Variants in PACSIN2 observed in about 807,000 individuals in gnomAD.
PACSIN2 encodes protein kinase C and casein kinase substrate in neurons 2, also known as protein kinase C and casein kinase substrate in neurons protein 2.
PACSIN2 carries 25 observed loss-of-function variants against 63.8 expected under a neutral mutation model. The ratio of observed to expected loss-of-function variants is 0.39; its 90% CI spans 0.29 to 0.55. The LOEUF (loss-of-function observed/expected upper bound fraction) is 0.55, where lower values mean the gene tolerates loss of function less well. Among genes scored for constraint, PACSIN2 ranks in the 20% least tolerant of loss-of-function variants. PACSIN2 has a pLI of 0.62. For missense variants in PACSIN2, 518 were observed against 646.9 expected, an observed-to-expected ratio of 0.80 and a Z score of 2.16; for synonymous variants, 255 against 256.2, an observed-to-expected ratio of 1.00 and a Z score of 0.05.
chr22:42,988,831 C>T (rs1922810163), intron 1 of PACSIN2, among the ~76,000 whole-genome samples: 1 of 152,078 alleles, frequency 6.6e-6, no homozygotes, highest in Admixed American at 6.6e-5. Context: ...ACATCACATG[C>T]ATTTGGGAAA....
intron 1 of PACSIN2, among the ~76,000 whole-genome samples, chr22:42,928,663 A>C (rs77521179): frequency 1.5e-3 from 221 of 152,356 alleles, no homozygotes; most frequent in African/African-American, 5.1e-3. Context: ...AGGCACTTGT[A>C]GGTAATCAGG....
At chr22:42,963,411 G>A (rs577418027) in intron 1 of PACSIN2, among the ~76,000 whole-genome samples, 38 of 152,268 alleles carry the variant, frequency 2.5e-4, no homozygotes, top group African/African-American at 6.0e-4. Flanking sequence ...CAAACAACAC[G>A]CAGGGCAGCA....
intron 2 of PACSIN2, among the ~76,000 whole-genome samples, chr22:42,906,320 T>G (rs1029586424): frequency 2.0e-5 from 3 of 152,250 alleles, no homozygotes; most frequent in Non-Finnish European, 2.9e-5. Flanking sequence ...CAAAGGCTGC[T>G]TTCTGCTCTA....
intron 5 of PACSIN2, among the ~76,000 whole-genome samples, chr22:42,884,911 T>G (rs561351873): frequency 2.0e-5 from 3 of 152,248 alleles, no homozygotes; most frequent in Non-Finnish European, 4.4e-5. Flanking sequence ...GCCTCAGATC[T>G]GGCCCACAGC....
At chr22:42,994,302 C>T (rs901641919) in intron 1 of PACSIN2, among the ~76,000 whole-genome samples, 2 of 152,176 alleles carry the variant, frequency 1.3e-5, no homozygotes, top group Admixed American at 1.3e-4. Flanking sequence ...AGGCATGGTC[C>T]CAAGCCCCAT....
intron 1 of PACSIN2, among the ~76,000 whole-genome samples, chr22:42,970,471 CA>C (rs1921172179): frequency 6.6e-6 from 1 of 152,014 alleles, no homozygotes; most frequent in African/African-American, 2.4e-5. Context: ...TTCTTAATTT[CA>C]AAAAATAAGC....
chr22:42,955,481 A>G (rs1933878379), intron 1 of PACSIN2, among the ~76,000 whole-genome samples: 1 of 152,086 alleles, frequency 6.6e-6, no homozygotes. Flanking sequence ...AGGGGGAAAA[A>G]AAAAAAGGCT....
chr22:42,960,271 G>A (rs890079050), intron 1 of PACSIN2, among the ~76,000 whole-genome samples: 1 of 152,182 alleles, frequency 6.6e-6, no homozygotes, highest in African/African-American at 2.4e-5. Flanking sequence ...GCAGTCAGTG[G>A]GACAGGGACT....
chr22:42,896,000 A>G (rs532157309), intron 2 of PACSIN2, among the ~76,000 whole-genome samples: 4 of 152,366 alleles, frequency 2.6e-5, no homozygotes, highest in South Asian at 2.1e-4. Context: ...GAGCAGAGCT[A>G]CTGCTGGCTG....
chr22:42,992,926 G>A (rs1457222493), intron 1 of PACSIN2, among the ~76,000 whole-genome samples: 1 of 152,204 alleles, frequency 6.6e-6, no homozygotes, highest in African/African-American at 2.4e-5. Flanking sequence ...CACTCTGGGA[G>A]GCTGAGGCGG....
chr22:42,945,378 T>G (rs1933371120), intron 1 of PACSIN2, among the ~76,000 whole-genome samples: 2 of 152,010 alleles, frequency 1.3e-5, no homozygotes, highest in South Asian at 4.2e-4. Context: ...CCAGGCCCTC[T>G]CTCTTACGTC....
At chr22:42,977,659 G>A (rs1273406005) in intron 1 of PACSIN2, among the ~76,000 whole-genome samples, 5 of 152,200 alleles carry the variant, frequency 3.3e-5, no homozygotes, top group Non-Finnish European at 5.9e-5. Flanking sequence ...ATCCCTGTGT[G>A]GCAGGGGAGG....
intron 1 of PACSIN2, among the ~76,000 whole-genome samples, chr22:42,920,119 T>A (rs1260553651): frequency 5.3e-5 from 8 of 151,756 alleles, no homozygotes; most frequent in Non-Finnish European, 1.0e-4. Context: ...AAAAGAACTT[T>A]AAAAATTAAA....
intron 1 of PACSIN2, among the ~76,000 whole-genome samples, chr22:42,919,353 GAAAGT>G (rs1932013713): frequency 6.6e-6 from 1 of 152,164 alleles, no homozygotes; most frequent in African/African-American, 2.4e-5. Flanking sequence ...AGAATTTTGA[GAAAGT>G]GCAAAGTGAC....
intron 1 of PACSIN2, among the ~76,000 whole-genome samples, chr22:42,916,038 G>A (rs1403386721): frequency 6.6e-6 from 1 of 152,130 alleles, no homozygotes; most frequent in African/African-American, 2.4e-5. Context: ...GGTGGAAGGC[G>A]GGAAATCCGA....
intron 6 of PACSIN2, among the ~76,000 whole-genome samples, chr22:42,882,888 G>A (rs374113724): frequency 2.0e-5 from 3 of 152,254 alleles, no homozygotes; most frequent in South Asian, 2.1e-4. Flanking sequence ...TTTATGGCTG[G>A]TGAGTCATGT....
intron 1 of PACSIN2, among the ~76,000 whole-genome samples, chr22:42,981,511 G>A (rs1204970878): frequency 7.5e-5 from 6 of 79,754 alleles, no homozygotes; most frequent in Admixed American, 1.4e-4. Flanking sequence ...CGCCCCGTCC[G>A]GGAGGGAGGT....
At chr22:42,927,691 G>A (rs1932628067) in intron 1 of PACSIN2, among the ~76,000 whole-genome samples, 1 of 151,524 alleles carries the variant, frequency 6.6e-6, no homozygotes, top group Non-Finnish European at 1.5e-5. Context: ...AGGTTCAAGC[G>A]ATTCTCCTGC....
intron 8 of PACSIN2, 110 bp from the exon 9 acceptor site, chr22:42,877,120 C>T (rs1041210348): frequency 2.1e-5 from 24 of 1,150,760 alleles, no homozygotes; most frequent in Admixed American, 7.9e-5. Context: ...CTCCTGTGAC[C>T]GGAGGGGACC....
Sources: allele counts gnomAD v4.1 joint callset (sites outside exome capture counted in the v4.1 genomes callset), GRCh38; gene constraint gnomAD v4.1.1; transcripts MANE v1.5; gene names NCBI Gene and HGNC (gene_info 2026-07-23, HGNC 2026-07-21).